PTPRN2: variants seen among roughly 807,000 people sequenced by gnomAD.
The protein encoded by PTPRN2 is receptor-type tyrosine-protein phosphatase N2.
PTPRN2 carries 74 observed loss-of-function variants against 118.8 expected under a neutral mutation model. That is an observed-to-expected ratio of 0.62 (90% CI 0.52 to 0.76). The LOEUF (loss-of-function observed/expected upper bound fraction) is 0.76, where lower values mean the gene tolerates loss of function less well. Ranked by LOEUF, PTPRN2 falls within the 30% of genes least tolerant of loss-of-function variation. The pLI is 0.00. For missense variants in PTPRN2, 1,481 were observed against 1,394.4 expected (o/e 1.06, Z -0.99); for synonymous variants, 641 against 608.0 (o/e 1.05, Z -0.80).
At chr7:157,626,596 C>A (rs1404046884) in intron 14 of PTPRN2, among the ~76,000 whole-genome samples, 1 of 152,170 alleles carries the variant, frequency 6.6e-6, no homozygotes, top group Non-Finnish European at 1.5e-5. Context: ...CTGTGGCATT[C>A]GTCACATTCT....
At chr7:157,678,479 C>A (rs1473157943) in intron 13 of PTPRN2, among the ~76,000 whole-genome samples, 1 of 152,224 alleles carries the variant, frequency 6.6e-6, no homozygotes, top group South Asian at 2.1e-4. Flanking sequence ...TGCTCTTTGT[C>A]AGAACTCAGC....
intron 12 of PTPRN2, among the ~76,000 whole-genome samples, chr7:157,838,437 A>G (rs112591009): frequency 0.029 from 2,320 of 81,178 alleles, 46 homozygotes; most frequent in East Asian, 0.14. Flanking sequence ...GCTCCTCTCC[A>G]CCGTGGCTAC....
intron 12 of PTPRN2, among the ~76,000 whole-genome samples, chr7:157,860,657 C>A (rs1810166323): frequency 1.3e-5 from 2 of 152,240 alleles, no homozygotes; most frequent in Admixed American, 1.3e-4. Flanking sequence ...AATATCTAAT[C>A]TGGGCCTTAA....
intron 17 of PTPRN2, among the ~76,000 whole-genome samples, chr7:157,584,876 G>A (rs916708499): frequency 3.3e-5 from 5 of 152,208 alleles, no homozygotes; most frequent in African/African-American, 1.2e-4. Context: ...ACCCTGCCCA[G>A]AGGACAGTCC....
chr7:158,252,354 G>A (rs1437516334), intron 3 of PTPRN2, among the ~76,000 whole-genome samples: 3 of 152,296 alleles, frequency 2.0e-5, no homozygotes, highest in Non-Finnish European at 4.4e-5. Context: ...AGGGTGGTGA[G>A]TGGTGTCACC....
At chr7:157,557,685 T>C (rs1798976202) in intron 21 of PTPRN2, among the ~76,000 whole-genome samples, 1 of 152,120 alleles carries the variant, frequency 6.6e-6, no homozygotes, top group Non-Finnish European at 1.5e-5. Context: ...TCTAGATAAA[T>C]TATATTGTCT....
At chr7:158,269,423 C>T (rs962624325) in intron 3 of PTPRN2, among the ~76,000 whole-genome samples, 20 of 152,362 alleles carry the variant, frequency 1.3e-4, no homozygotes, top group African/African-American at 4.6e-4. Flanking sequence ...CAGCTGCCAT[C>T]CTGTGCCCAG....
At chr7:157,919,428 G>A (rs1049969224) in intron 11 of PTPRN2, among the ~76,000 whole-genome samples, 6 of 152,236 alleles carry the variant, frequency 3.9e-5, no homozygotes, top group African/African-American at 1.2e-4. Flanking sequence ...GGTGGGTTTC[G>A]AATACTGAGA....
chr7:158,163,100 G>A (rs888973153), intron 6 of PTPRN2, among the ~76,000 whole-genome samples: 1 of 152,200 alleles, frequency 6.6e-6, no homozygotes, highest in Non-Finnish European at 1.5e-5. Context: ...AATCATCCCA[G>A]GGCAGAGCAG....
At chr7:157,855,069 G>A (rs564442257) in intron 12 of PTPRN2, among the ~76,000 whole-genome samples, 37 of 150,340 alleles carry the variant, frequency 2.5e-4, no homozygotes, top group African/African-American at 8.4e-4. Flanking sequence ...GGGCTGGATC[G>A]GGGAGGATGG....
chr7:158,176,667 G>A (rs1031467044), intron 5 of PTPRN2, among the ~76,000 whole-genome samples: 6 of 152,182 alleles, frequency 3.9e-5, no homozygotes, highest in African/African-American at 1.2e-4. Flanking sequence ...TCAGGATGAC[G>A]GTGGCCAGCA....
Position 157,855,582 on chromosome 7 carries a change from C to T in PTPRN2, c.1788+43091G>A, listed in dbSNP as rs191796827. Among the ~76,000 whole-genome samples the T allele has an allele frequency of 1.4e-3, 219 of 152,240 alleles. 1 individual carries two copies. Among genetic ancestry groups the T allele is most frequent in the African/African-American group, 5.1e-3 (213 of 41,542 alleles). On this transcript the variant is annotated intron_variant, in intron 12 of 22. Coordinates refer to ENST00000389418, the MANE Select transcript of PTPRN2 (RefSeq NM_002847.5). The stretch of plus-strand genomic sequence containing the variant: ...ATTAGGATAATCTGGATGCGGCCTG[C>T]TGTGATGTAGTGATGGGGCTTCCCT...
chr7:158,072,602 C>T (rs1036641222), intron 11 of PTPRN2, among the ~76,000 whole-genome samples: 5 of 152,206 alleles, frequency 3.3e-5, no homozygotes, highest in Non-Finnish European at 7.3e-5. Flanking sequence ...TCTCGGACTT[C>T]ACTGAACCTC....
chr7:158,340,672 C>T (rs1285993837), intron 2 of PTPRN2, among the ~76,000 whole-genome samples: 1 of 97,046 alleles, frequency 1.0e-5, no homozygotes, highest in Non-Finnish European at 2.3e-5. Context: ...TCACTCACAC[C>T]CACACTCTCA....
chr7:158,389,832 G>T (rs963903699), intron 2 of PTPRN2, among the ~76,000 whole-genome samples: 2 of 152,246 alleles, frequency 1.3e-5, no homozygotes, highest in African/African-American at 2.4e-5. Context: ...TCACAAACGG[G>T]CTCTTGGAGA....
Position 158,530,435 on chromosome 7 carries a change from C to T in PTPRN2, c.113-40650G>A, listed in dbSNP as rs116291814. On this transcript the variant is annotated intron_variant, in intron 1 of 22. Transcript: ENST00000389418. ...GAATGCTGGGGACCTGGACATCCCA[C>T]GCCGGCCTCCCCGTGTGCCACAGAC... Among the ~76,000 whole-genome samples the T allele has an allele frequency of 5.7e-3, 861 of 152,318 alleles. 4 individuals are homozygous for T. Among genetic ancestry groups the T allele is most frequent in the African/African-American group, 0.02 (828 of 41,572 alleles).
intron 2 of PTPRN2, among the ~76,000 whole-genome samples, chr7:158,448,223 T>A (rs571884160): frequency 6.6e-6 from 1 of 152,356 alleles, no homozygotes; most frequent in Admixed American, 6.5e-5. Context: ...CTGAGAATCA[T>A]CCTTAGAACA....
chr7:157,989,146 A>T lies in PTPRN2; in HGVS notation c.1724-90409T>A, dbSNP rs147433935. ...AAGACCGTGGTTTTTGGCCAGGCAC[A>T]GTGGTTCATGCCTGTAATCCCAGCA... On this transcript the variant is annotated intron_variant, in intron 11 of 22. Transcript: ENST00000389418. 4.7e-3 allele frequency among the ~76,000 whole-genome samples: 711 copies of T among 152,350 alleles called. 8 individuals carry two copies. The highest frequency in any genetic ancestry group is 0.016 in the African/African-American group (672 of 41,584).
intron 11 of PTPRN2, among the ~76,000 whole-genome samples, chr7:158,047,145 C>G (rs1808940306): frequency 6.6e-6 from 1 of 152,234 alleles, no homozygotes; most frequent in South Asian, 2.1e-4. Flanking sequence ...AGTGCAGACT[C>G]TGTGTGACAC....
Sources: allele counts gnomAD v4.1 joint callset (sites outside exome capture counted in the v4.1 genomes callset), GRCh38; gene constraint gnomAD v4.1.1; transcripts MANE v1.5; gene names NCBI Gene and HGNC (gene_info 2026-07-23, HGNC 2026-07-21).